CD2AP: variants seen among roughly 807,000 people sequenced by gnomAD.
The protein encoded by CD2AP is CD2 associated protein, also known as CD2-associated protein.
A neutral mutation model predicts 85.1 loss-of-function variants in CD2AP; 46 were observed. The observed-to-expected ratio is 0.54, with a 90% CI of 0.43 to 0.69. CD2AP has a LOEUF of 0.69. CD2AP is among the 30% of genes least tolerant of loss of function. The pLI is 0.00. For missense variants in CD2AP, 769 were observed against 729.5 expected, an observed-to-expected ratio of 1.05 and a Z score of -0.62; for synonymous variants, 255 against 252.9, an observed-to-expected ratio of 1.01 and a Z score of -0.08.
intron 5 of CD2AP, among the ~76,000 whole-genome samples, chr6:47,563,825 A>G (rs887451724): frequency 1.3e-5 from 2 of 152,130 alleles, no homozygotes; most frequent in Non-Finnish European, 2.9e-5. Context: ...TTCTTCCACT[A>G]TTTCTTTTCT....
At chr6:47,527,106 T>C (rs1224001080) in intron 2 of CD2AP, among the ~76,000 whole-genome samples, 2 of 141,536 alleles carry the variant, frequency 1.4e-5, no homozygotes, top group Admixed American at 6.9e-5. Context: ...AATAAAAGAC[T>C]CCCCCCCGAT....
rs186706708 is a variant in CD2AP, at chr6:47,508,162, G to A, written c.165+4722G>A. 1.2e-3 allele frequency among the ~76,000 whole-genome samples: 181 copies of A among 152,324 alleles called. 2 individuals carry two copies. Among genetic ancestry groups the A allele is most frequent in the African/African-American group, 4.2e-3 (173 of 41,580 alleles). ...CCTGTCCTTTGAAGCCTTGAAGCTAGGCTTTGATTTCTTTCTACTTATGAA... is the reference window on the plus strand; with the variant it reads ...CCTGTCCTTTGAAGCCTTGAAGCTAAGCTTTGATTTCTTTCTACTTATGAA... On this transcript the variant is annotated intron_variant, in intron 2 of 17. Transcript: ENST00000359314.
chr6:47,521,833 T>C (rs987454107), intron 2 of CD2AP, among the ~76,000 whole-genome samples: 3 of 151,862 alleles, frequency 2.0e-5, no homozygotes, highest in Non-Finnish European at 2.9e-5. Flanking sequence ...CTGACCAACG[T>C]GGAGAAATCC....
At chr6:47,495,337 C>T (rs572457348) in intron 1 of CD2AP, among the ~76,000 whole-genome samples, 2 of 152,194 alleles carry the variant, frequency 1.3e-5, no homozygotes, top group African/African-American at 4.8e-5. Context: ...GTTGGAGTTA[C>T]GTAAGCAAAG....
At chr6:47,526,982 A>C (rs16876006) in intron 2 of CD2AP, among the ~76,000 whole-genome samples, 39,514 of 151,974 alleles carry the variant, frequency 0.26, 5,780 homozygotes, top group East Asian at 0.6. Context: ...ATAGCAAATC[A>C]AAGTAATTTT....
chr6:47,554,026 G>C (rs1205751086), intron 4 of CD2AP, among the ~76,000 whole-genome samples: 1 of 151,880 alleles, frequency 6.6e-6, no homozygotes, highest in Admixed American at 6.6e-5. Context: ...CCACAATTGG[G>C]CTCAGCCTCC....
chr6:47,531,619 A>G (rs1285004061), intron 2 of CD2AP, among the ~76,000 whole-genome samples: 1 of 151,592 alleles, frequency 6.6e-6, no homozygotes, highest in African/African-American at 2.4e-5. Context: ...CAACTCTCAA[A>G]TTTTGGAAAT....
chr6:47,571,612 GT>G (rs1489198960), intron 5 of CD2AP, among the ~76,000 whole-genome samples: 1 of 152,168 alleles, frequency 6.6e-6, no homozygotes, highest in African/African-American at 2.4e-5. Context: ...CTTGGGTGTT[GT>G]TTTGAGGGTT....
intron 13 of CD2AP, among the ~76,000 whole-genome samples, chr6:47,600,617 A>G (rs1394333160): frequency 1.3e-5 from 2 of 151,890 alleles, no homozygotes; most frequent in Non-Finnish European, 2.9e-5. Flanking sequence ...TGTTGATTGT[A>G]TTTTAGAGAA....
intron 5 of CD2AP, among the ~76,000 whole-genome samples, chr6:47,569,102 T>G (rs1007041528): frequency 6.6e-6 from 1 of 152,144 alleles, no homozygotes; most frequent in Non-Finnish European, 1.5e-5. Context: ...GGTTAGGCAG[T>G]GTAGAGAGTA....
At position 47,582,096 on chromosome 6, in the gene CD2AP, A is replaced by T. The variant is rs370890108; in HGVS notation, c.1108+31A>T. On this transcript the variant is annotated intron_variant, in intron 11 of 17. Coordinates refer to ENST00000359314, the MANE Select transcript of CD2AP (RefSeq NM_012120.3). ...GCTAATTTTCAACTTTCAAAAAAGC[A>T]ATTATTTCTTTTATTGTCATTTTAA... The T allele has an allele frequency of 3.8e-6, 5 of 1,302,730 alleles. No individual in the cohort carries two copies. The East Asian group carries it at 1.2e-4, about 30-fold the overall frequency. 80.7% of individuals were successfully genotyped at this position (1,302,730 alleles called of 1,614,324 possible).
At chr6:47,490,372 A>G (rs1409181467) in intron 1 of CD2AP, among the ~76,000 whole-genome samples, 1 of 151,982 alleles carries the variant, frequency 6.6e-6, no homozygotes, top group African/African-American at 2.4e-5. Context: ...TTTTTTGGTG[A>G]GTTCTATAAA....
At chr6:47,554,883 T>G in intron 5 of CD2AP, 117 bp downstream of exon 5, 1 of 1,033,508 alleles carries the variant, frequency 9.7e-7, no homozygotes, top group Non-Finnish European at 1.4e-6. Context: ...TCAGCTTCAA[T>G]TAGTCTACTT....
At chr6:47,535,602 T>C (rs917769143) in intron 3 of CD2AP, among the ~76,000 whole-genome samples, 2 of 152,228 alleles carry the variant, frequency 1.3e-5, no homozygotes, top group African/African-American at 4.8e-5. Context: ...TCTTTGTTTC[T>C]CAAGGAAATA....
chr6:47,612,465 G>C lies in CD2AP; in HGVS notation c.1815-8G>C. The C allele has an allele frequency of 1.9e-6, 3 of 1,575,754 alleles. No individual in the cohort carries two copies. The South Asian group carries it at 3.3e-5, about 17-fold the overall frequency. ...AAGACTTAACAGTAATAAGTACTTT[G>C]TTTTTAGGAAAGAACTGGAAAAACT... On this transcript the variant is annotated splice_polypyrimidine_tract_variant and splice_region_variant and intron_variant, in intron 16 of 17. Transcript: ENST00000359314.
At chr6:47,480,560 ATTACT>A (rs1157043932) in intron 1 of CD2AP, among the ~76,000 whole-genome samples, 2 of 152,240 alleles carry the variant, frequency 1.3e-5, no homozygotes, top group African/African-American at 2.4e-5. Context: ...GACTGAGCAC[ATTACT>A]TCTCTGTGCT....
Position 47,566,730 on chromosome 6 carries a change from C to A in CD2AP, c.542-7334C>A, listed in dbSNP as rs542843078. Among the ~76,000 whole-genome samples, 111 of 152,152 alleles carry A rather than the reference C, an allele frequency of 7.3e-4. 1 individual carries two copies. Among genetic ancestry groups the A allele is most frequent in the African/African-American group, 2.6e-3 (107 of 41,524 alleles). On this transcript the variant is annotated intron_variant, in intron 5 of 17. Coordinates refer to ENST00000359314, the MANE Select transcript of CD2AP (RefSeq NM_012120.3). ...ACATGCAGTGTTTGGTTTTCTGTTC[C>A]TGTGTTAGTTTGCTGAGGATGATGG...
At chr6:47,587,983 C>T (rs991736570) in intron 11 of CD2AP, among the ~76,000 whole-genome samples, 8 of 152,134 alleles carry the variant, frequency 5.3e-5, no homozygotes, top group African/African-American at 1.9e-4. Flanking sequence ...TTGTATACTT[C>T]TGATTCCCAG....
Position 47,565,825 on chromosome 6 carries a change from A to G in CD2AP, c.542-8239A>G, listed in dbSNP as rs1232884448. On this transcript the variant is annotated intron_variant, in intron 5 of 17. Transcript: ENST00000359314. ...TACCATAGCCTATATGCCATTACCTACTTACTGAATAGTCTGGTAGCCAGT... is the reference window on the plus strand; with the variant it reads ...TACCATAGCCTATATGCCATTACCTGCTTACTGAATAGTCTGGTAGCCAGT... 4.6e-5 allele frequency among the ~76,000 whole-genome samples: 7 copies of G among 152,214 alleles called. No individual in the cohort carries two copies. The East Asian group carries it at 1.4e-3, about 29-fold the overall frequency.
Sources: allele counts gnomAD v4.1 joint callset (sites outside exome capture counted in the v4.1 genomes callset), GRCh38; gene constraint gnomAD v4.1.1; transcripts MANE v1.5; gene names NCBI Gene and HGNC (gene_info 2026-07-23, HGNC 2026-07-21).